The following MAP7D2 variants were observed in gnomAD, a reference collection of about 807,000 sequenced individuals.
The protein encoded by MAP7D2 is MAP7 domain-containing protein 2.
MAP7D2 carries 33 observed loss-of-function variants against 63.5 expected under a neutral mutation model. The observed-to-expected ratio is 0.52, with a 90% CI of 0.39 to 0.70. The LOEUF (loss-of-function observed/expected upper bound fraction) is 0.70, where lower values mean the gene tolerates loss of function less well. Ranked by LOEUF, MAP7D2 falls within the 30% of genes least tolerant of loss-of-function variation. The pLI, the probability that MAP7D2 is intolerant of heterozygous loss-of-function variation, is 0.00. For synonymous variants in MAP7D2, 224 were observed against 223.7 expected (o/e 1.00, Z -0.01); for missense variants, 626 against 604.0 (o/e 1.04, Z -0.38).
intron 1 of MAP7D2, among the ~76,000 whole-genome samples, chrX:20,074,901 A>C (rs991308472): frequency 9.1e-6 from 1 of 110,436 alleles, no homozygotes; most frequent in Non-Finnish European, 1.9e-5. Flanking sequence ...AAAATACAAA[A>C]AATTAGCTGG....
At chrX:20,069,254 T>C (rs1228656338) in intron 1 of MAP7D2, among the ~76,000 whole-genome samples, 2 of 111,631 alleles carry the variant, frequency 1.8e-5, no homozygotes, top group Non-Finnish European at 3.8e-5. Context: ...TTGCCCAAAC[T>C]GGAGTACAGT....
At chrX:20,115,847 T>TA (rs916096084) in intron 1 of MAP7D2, among the ~76,000 whole-genome samples, 3 of 112,231 alleles carry the variant, frequency 2.7e-5, no homozygotes, top group African/African-American at 9.7e-5. Flanking sequence ...TAGACTGCAA[T>TA]AAAAAATGTT....
chrX:20,029,363 T>C (rs947749237), intron 8 of MAP7D2, among the ~76,000 whole-genome samples: 18 of 112,228 alleles, frequency 1.6e-4, no homozygotes, highest in Non-Finnish European at 3.0e-4. Context: ...TCAGTCAGTG[T>C]GGCAGGAGCC....
At chrX:20,055,292 C>G (rs1467461137) in intron 4 of MAP7D2, among the ~76,000 whole-genome samples, 3 of 111,652 alleles carry the variant, frequency 2.7e-5, no homozygotes, top group African/African-American at 9.8e-5. Flanking sequence ...ATTCCTACCA[C>G]TCCCTCTCAA....
intron 15 of MAP7D2, 84 bp downstream of exon 15, chrX:20,012,265 G>T: frequency 1.3e-6 from 1 of 748,612 alleles, no homozygotes; most frequent in Non-Finnish European, 1.9e-6. Context: ...TGATTTGGTT[G>T]TATAAAAGAC....
intron 3 of MAP7D2, among the ~76,000 whole-genome samples, chrX:20,062,213 T>C (rs2065240872): frequency 8.9e-6 from 1 of 112,153 alleles, no homozygotes; most frequent in Admixed American, 9.5e-5. Context: ...TGTAACTACC[T>C]CTGTTTTGGG....
chrX:20,056,624 C>T, intron 4 of MAP7D2, 56 bp downstream of exon 4: 4 of 1,021,274 alleles, frequency 3.9e-6, no homozygotes, highest in Non-Finnish European at 5.5e-6. Flanking sequence ...TAATCCCCTG[C>T]CTGCTCCATT....
intron 6 of MAP7D2, among the ~76,000 whole-genome samples, chrX:20,045,026 A>G (rs1324100874): frequency 9.0e-6 from 1 of 111,339 alleles, no homozygotes; most frequent in Non-Finnish European, 1.9e-5. Flanking sequence ...GAATCTGGGT[A>G]TGTGCCTGGG....
intron 10 of MAP7D2, 63 bp from the exon 11 acceptor site, chrX:20,016,388 G>T: frequency 1.0e-6 from 1 of 990,462 alleles, no homozygotes; most frequent in Non-Finnish European, 1.4e-6. Flanking sequence ...CCAGAGAACT[G>T]TGTGCTGACA....
At chrX:20,061,118 C>CAAAAAAA (rs780468494) in intron 3 of MAP7D2, among the ~76,000 whole-genome samples, 1 of 34,875 alleles carries the variant, frequency 2.9e-5, no homozygotes, top group Non-Finnish European at 5.2e-5. Flanking sequence ...AGAACATGAC[C>CAAAAAAA]AAAAAAAAAA....
At chrX:20,060,426 GAGAGAGAGAAAGAAAGAA>G (rs1387609801) in intron 3 of MAP7D2, among the ~76,000 whole-genome samples, 20 of 72,103 alleles carry the variant, frequency 2.8e-4, no homozygotes, top group African/African-American at 9.6e-4. Flanking sequence ...AAGAGAGAGA[GAGAGAGAGAAAGAAAGAA>G]AGAAAGAAAG....
At chrX:20,050,011 C>A (rs1423640944) in intron 6 of MAP7D2, among the ~76,000 whole-genome samples, 1 of 112,379 alleles carries the variant, frequency 8.9e-6, no homozygotes, top group Non-Finnish European at 1.9e-5. Flanking sequence ...TGTTTGGAAG[C>A]AGCTACAACT....
At chrX:20,045,527 G>GA (rs1170223479) in intron 6 of MAP7D2, among the ~76,000 whole-genome samples, 191 of 17,873 alleles carry the variant, frequency 0.011, 2 homozygotes, top group East Asian at 0.014. Context: ...ACCCCATCTC[G>GA]AAAAAAAAAA....
chrX:20,038,514 T>C (rs2064559224), intron 8 of MAP7D2, among the ~76,000 whole-genome samples: 2 of 111,841 alleles, frequency 1.8e-5, no homozygotes, highest in Middle Eastern at 4.2e-3. Flanking sequence ...CACAAGGCTG[T>C]GTATGTTCTG....
At chrX:20,027,125 T>C (rs1254730608) in intron 8 of MAP7D2, among the ~76,000 whole-genome samples, 1 of 111,988 alleles carries the variant, frequency 8.9e-6, no homozygotes, top group Admixed American at 9.4e-5. Context: ...TCAAGTGGCA[T>C]GTGGACTTTC....
chrX:20,100,909 C>T (rs1329484852), intron 1 of MAP7D2, among the ~76,000 whole-genome samples: 1 of 109,552 alleles, frequency 9.1e-6, no homozygotes, highest in Non-Finnish European at 1.9e-5. Flanking sequence ...TAATTCCAAC[C>T]ACTCAGGAGG....
At chrX:20,090,794 C>T (rs894863541) in intron 1 of MAP7D2, among the ~76,000 whole-genome samples, 3 of 111,994 alleles carry the variant, frequency 2.7e-5, no homozygotes, top group African/African-American at 9.7e-5. Context: ...AATAGTCCAA[C>T]TATCCATCAG....
At chrX:20,115,755 C>G (rs1207687773) in intron 1 of MAP7D2, among the ~76,000 whole-genome samples, 1 of 111,564 alleles carries the variant, frequency 9.0e-6, no homozygotes, top group Non-Finnish European at 1.9e-5. Flanking sequence ...CTTTTCTTGG[C>G]CCATCGTATA....
At position 20,007,508 on chromosome X, in the gene MAP7D2, TG is replaced by T. The variant is rs1482443774; in HGVS notation, c.*916del. On this transcript the variant is annotated 3_prime_UTR_variant, in exon 17 of 17. Transcript: ENST00000379643. ...GGCCCCCTATTGTTTCAGAATGCTA[TG>T]GTTTTTGTTTGCGCCTGGTTTTATT... The T allele has an allele frequency of 2.7e-5, 3 of 111,873 alleles. No homozygotes were observed. Among genetic ancestry groups the T allele is most frequent in the African/African-American group, 9.8e-5 (3 of 30,628 alleles). The allele number at this position is 111,873 out of a possible 1,213,427, so 9.2% of individuals were successfully genotyped here.
Sources: allele counts gnomAD v4.1 joint callset (sites outside exome capture counted in the v4.1 genomes callset), GRCh38; gene constraint gnomAD v4.1.1; transcripts MANE v1.5; gene names NCBI Gene and HGNC (gene_info 2026-07-23, HGNC 2026-07-21).